The following ALDH1A1 variants were observed in gnomAD, a reference collection of about 807,000 sequenced individuals.
ALDH1A1 encodes aldehyde dehydrogenase 1A1.
ALDH1A1 carries 19 observed loss-of-function variants against 62.1 expected under a neutral mutation model. The ratio of observed to expected loss-of-function variants is 0.31; its 90% confidence interval spans 0.21 to 0.45. ALDH1A1 has a LOEUF of 0.45. ALDH1A1 is among the 20% of genes least tolerant of loss of function. The pLI is 1.00. For synonymous variants in ALDH1A1, 231 were observed against 215.9 expected (o/e 1.07, Z -0.61); for missense variants, 521 against 607.1 (o/e 0.86, Z 1.49).
chr9:72,945,173 T>C (rs1264551496), intron 1 of ALDH1A1, among the ~76,000 whole-genome samples: 11 of 152,068 alleles, frequency 7.2e-5, no homozygotes, highest in Admixed American at 6.6e-4. Flanking sequence ...TTTCTCAAAA[T>C]ATTTCTGGCT....
chr9:72,921,503 C>CTTTTTTTTTTTTTTTTTTTT (rs11327072), intron 7 of ALDH1A1, among the ~76,000 whole-genome samples: 1 of 109,504 alleles, frequency 9.1e-6, no homozygotes, highest in Non-Finnish European at 1.8e-5. Context: ...ACATTTAATT[C>CTTTTTTTTTTTTTTTTTTTT]TTTTTTTTTT....
intron 2 of ALDH1A1, 120 bp from the exon 3 acceptor site, chr9:72,931,139 C>A: frequency 1.8e-6 from 2 of 1,106,870 alleles, no homozygotes; most frequent in South Asian, 1.5e-5. Context: ...TCTCCATTAT[C>A]CCAAAGTCTA....
rs1316668518 is a variant in ALDH1A1, at chr9:72,931,044, C to T, written c.172-25G>A. On this transcript the variant is annotated intron_variant, in intron 2 of 12. Transcript: ENST00000297785. ...CCTGTAAGTCAACAGGAATTCAATT[C>T]AGTAAGCTAAACATATTAGGCAAGC... 4 of 1,613,656 alleles carry T rather than the reference C, an allele frequency of 2.5e-6. No individual in the cohort carries two copies. In the African/African-American group the frequency reaches 4.0e-5, roughly 16 times the overall value.
intron 1 of ALDH1A1, among the ~76,000 whole-genome samples, chr9:72,943,359 T>A (rs1384010556): frequency 2.0e-5 from 3 of 151,154 alleles, no homozygotes; most frequent in Admixed American, 6.6e-5. Context: ...CTTTACACAC[T>A]TTTTTGTAAA....
intron 1 of ALDH1A1, among the ~76,000 whole-genome samples, chr9:72,949,330 G>A (rs920818557): frequency 6.6e-6 from 1 of 152,002 alleles, no homozygotes; most frequent in Middle Eastern, 3.4e-3. Context: ...TCAGCAATGG[G>A]CAAATGAAAG....
At chr9:72,933,832 G>C (rs1013652267) in intron 2 of ALDH1A1, among the ~76,000 whole-genome samples, 4 of 152,150 alleles carry the variant, frequency 2.6e-5, no homozygotes, top group East Asian at 1.9e-4. Context: ...TCACTCTGTT[G>C]CCTAGGCTGG....
At chr9:72,932,170 C>T (rs1348017730) in intron 2 of ALDH1A1, among the ~76,000 whole-genome samples, 1 of 152,214 alleles carries the variant, frequency 6.6e-6, no homozygotes, top group Non-Finnish European at 1.5e-5. Context: ...AATTGTATAG[C>T]TCCACAAATA....
At chr9:72,921,969 A>C (rs911484619) in intron 7 of ALDH1A1, among the ~76,000 whole-genome samples, 34 of 152,066 alleles carry the variant, frequency 2.2e-4, no homozygotes, top group African/African-American at 8.2e-4. Flanking sequence ...AGAGTAGGTT[A>C]TGGCCAAGGA....
At chr9:72,905,335 T>C (rs1829865699) in intron 12 of ALDH1A1, among the ~76,000 whole-genome samples, 1 of 152,124 alleles carries the variant, frequency 6.6e-6, no homozygotes, top group South Asian at 2.1e-4. Context: ...TCAAAAGCAA[T>C]TGAAATTTCA....
At chr9:72,933,900 G>A (rs1830316199) in intron 2 of ALDH1A1, among the ~76,000 whole-genome samples, 1 of 152,060 alleles carries the variant, frequency 6.6e-6, no homozygotes, top group Non-Finnish European at 1.5e-5. Flanking sequence ...AGCCTCAGGT[G>A]ATCCTCCCAC....
At chr9:72,904,851 A>G (rs964003258) in intron 12 of ALDH1A1, among the ~76,000 whole-genome samples, 1 of 152,146 alleles carries the variant, frequency 6.6e-6, no homozygotes, top group African/African-American at 2.4e-5. Context: ...TAGTGTATGT[A>G]GGTTATTTTG....
intron 8 of ALDH1A1, 33 bp downstream of exon 8, chr9:72,918,687 G>A: frequency 8.1e-7 from 1 of 1,237,092 alleles, no homozygotes; most frequent in Non-Finnish European, 1.1e-6. Context: ...AAACGATGAA[G>A]GACGAAAAGT....
chr9:72,917,072 C>A lies in ALDH1A1; in HGVS notation c.883G>T (p.Val295Leu), dbSNP rs774967243. 5.6e-6 allele frequency: 9 copies of A among 1,607,432 alleles called. No homozygotes were observed. The highest frequency in any genetic ancestry group is 1.7e-4 in the Middle Eastern group (1 of 6,050). The change falls in exon 9 of 13, where the codon GTA becomes TTA. Residue 295 changes from valine to leucine, a missense_variant. Physicochemically the swap from Val to Leu is conservative, Grantham distance 32 (BLOSUM62 1). Transcript: ENST00000297785. Reference sequence around the variant, plus strand: ...CAACACTGGCCCTGGTGGTAGAATACCCCATGGTGTGCAAATTCAACAGCA... The same window carrying A: ...CAACACTGGCCCTGGTGGTAGAATAACCCATGGTGTGCAAATTCAACAGCA... Reference protein sequence around the residue: ...DNAVEFAHHGVFYHQGQCCIA... With the variant: ...DNAVEFAHHGLFYHQGQCCIA...
chr9:72,935,519 G>A (rs1830337009), intron 2 of ALDH1A1, among the ~76,000 whole-genome samples: 1 of 152,138 alleles, frequency 6.6e-6, no homozygotes, highest in Non-Finnish European at 1.5e-5. Flanking sequence ...TATCAGACCA[G>A]TTTTACTTTT....
At chr9:72,903,548 T>C (rs1829833313) in intron 12 of ALDH1A1, among the ~76,000 whole-genome samples, 1 of 151,946 alleles carries the variant, frequency 6.6e-6, no homozygotes, top group Admixed American at 6.6e-5. Flanking sequence ...GGTTATTAAA[T>C]TCACCAAATT....
At chr9:72,909,290 A>G (rs1176480948) in intron 11 of ALDH1A1, among the ~76,000 whole-genome samples, 1 of 149,372 alleles carries the variant, frequency 6.7e-6, no homozygotes, top group East Asian at 2.0e-4. Flanking sequence ...TCCTCCATGT[A>G]GCTGGGATTA....
Position 72,930,980 on chromosome 9 carries a change from A to G in ALDH1A1, c.211T>C (p.Phe71Leu), listed in dbSNP as rs781114750. The G allele has an allele frequency of 4.3e-6, 7 of 1,614,000 alleles. No homozygotes were observed. In the East Asian group the frequency reaches 1.6e-4, roughly 36 times the overall value. Residue 71 changes from phenylalanine (F) to leucine (L), a missense_variant, in exon 3 of 13, where the codon TTT becomes CTT. Phe to Leu is a conservative substitution (Grantham distance 22). Transcript: ENST00000297785. ...DKAVKAARQA[F>L]QIGSPWRTMD... is the part of the protein sequence containing the mutation. Reference sequence around the variant, plus strand: ...GTACGCCACGGGGATCCAATCTGAAAAGCCTGTCTTGCGGCCTTCACTGCC... The same window carrying G: ...GTACGCCACGGGGATCCAATCTGAAGAGCCTGTCTTGCGGCCTTCACTGCC...
At position 72,931,007 on chromosome 9, in the gene ALDH1A1, T is replaced by G. The variant is rs1830274638; in HGVS notation, c.184A>C (p.Lys62Gln). The G allele has an allele frequency of 1.9e-6, 3 of 1,613,994 alleles. No individual in the cohort carries two copies. Among genetic ancestry groups the G allele is most frequent in the Non-Finnish European group, 2.5e-6 (3 of 1,179,938 alleles). Residue 62 changes from lysine (K) to glutamine (Q), a missense_variant, in exon 3 of 13, where the codon AAG becomes CAG. Lys to Gln is a moderately conservative substitution (Grantham distance 53, BLOSUM62 1). Transcript: ENST00000297785. ...VEEGDKEDVD[K>Q]AVKAARQAFQ... ...GCCTGTCTTGCGGCCTTCACTGCCT[T>G]GTCAACATCCTCCTGTAAGTCAACA...
At chr9:72,940,702 T>G (rs370173427) in intron 1 of ALDH1A1, among the ~76,000 whole-genome samples, 2 of 152,200 alleles carry the variant, frequency 1.3e-5, no homozygotes, top group Admixed American at 1.3e-4. Flanking sequence ...AAAAAAAGAA[T>G]TTTGCTAAAG....
Sources: gnomAD v4.1 joint callset for allele counts (sites outside exome capture counted in the v4.1 genomes callset) on GRCh38, gnomAD v4.1.1 for gene constraint, MANE v1.5 for transcripts, NCBI Gene and HGNC (gene_info 2026-07-23, HGNC 2026-07-21) for gene names.